The following AGR3 variants were observed in gnomAD, a reference collection of about 807,000 sequenced individuals.
AGR3 encodes anterior gradient protein 3.
AGR3 carries 37 observed loss-of-function variants against 24.5 expected under a neutral mutation model. That is an observed-to-expected ratio of 1.51 (90% CI 1.16 to 1.99). The LOEUF (loss-of-function observed/expected upper bound fraction) is 1.99. Among genes scored for constraint, AGR3 ranks in the 30% most tolerant of loss-of-function variants. The probability of loss-of-function intolerance (pLI) is 0.00; values close to 1 mark genes in which losing one functional copy is unlikely to be tolerated. For synonymous variants in AGR3, 75 were observed against 61.6 expected, an observed-to-expected ratio of 1.22 and a Z score of -1.02; for missense variants, 228 against 191.1, an observed-to-expected ratio of 1.19 and a Z score of -1.14.
chr7:16,865,014 A>C, intron 3 of AGR3: 1 of 864,738 alleles, frequency 1.2e-6, no homozygotes, highest in Non-Finnish European at 2.0e-6. Flanking sequence ...CAGGTTCAAC[A>C]AGTATGTATC....
In AGR3 at chr7:16,861,309, G is replaced by A. The variant is rs999766444; in HGVS notation, c.367+75C>T. On this transcript the variant is annotated intron_variant, in intron 6 of 7. Coordinates refer to ENST00000310398, the MANE Select transcript of AGR3 (RefSeq NM_176813.5). ...TTTAAAAAGAATAGTACTTGAACTA[G>A]CATTTAAAAATAAAAGCAAGAATGC... 4 of 1,142,954 alleles carry A rather than the reference G, an allele frequency of 3.5e-6. No homozygotes were observed. In the African/African-American group the frequency reaches 4.8e-5, roughly 14 times the overall value. 70.8% of individuals were successfully genotyped at this position (1,142,954 alleles called of 1,614,324 possible). A position where few individuals can be genotyped will look rare whatever the true frequency, so the allele number is the denominator to read the frequency against.
chr7:16,879,868 T>C (rs1003075489), intron 1 of AGR3, among the ~76,000 whole-genome samples: 3 of 152,184 alleles, frequency 2.0e-5, no homozygotes, highest in Non-Finnish European at 4.4e-5. Flanking sequence ...GAACAACAAT[T>C]TGGTGGTAAA....
At chr7:16,880,029 T>G (rs4998166) in intron 1 of AGR3, among the ~76,000 whole-genome samples, 1 of 149,622 alleles carries the variant, frequency 6.7e-6, no homozygotes, top group Non-Finnish European at 1.5e-5. Flanking sequence ...CCCTCCCTAA[T>G]CCCCAGTTGT....
downstream of AGR3, among the ~76,000 whole-genome samples, chr7:16,859,137 C>T (rs1424137902): frequency 2.1e-4 from 32 of 151,826 alleles, 2 homozygotes; most frequent in Admixed American, 2.0e-3. Flanking sequence ...GTGGCTCAGG[C>T]CTATAATCTC....
intron 3 of AGR3, chr7:16,865,607 C>G: frequency 1.4e-6 from 1 of 735,110 alleles, no homozygotes. Flanking sequence ...TATGAGAATC[C>G]CTATAAACTG....
At chr7:16,865,840 A>C in intron 3 of AGR3, 1 of 742,136 alleles carries the variant, frequency 1.3e-6, no homozygotes, top group Non-Finnish European at 2.5e-6. Flanking sequence ...CTTGTACTTG[A>C]ATACCATTCT....
intron 3 of AGR3, 96 bp from the exon 4 acceptor site, chr7:16,862,758 CT>C: frequency 2.6e-6 from 2 of 766,638 alleles, no homozygotes; most frequent in Non-Finnish European, 4.2e-6. Context: ...TTCAATAAGG[CT>C]TACAGTAGTA....
chr7:16,864,394 T>G (rs1781708816), intron 3 of AGR3: 3 of 1,300,634 alleles, frequency 2.3e-6, no homozygotes, highest in Non-Finnish European at 3.4e-6. Flanking sequence ...AGACCAGGTT[T>G]CCAGCTCTGT....
At chr7:16,860,152 A>T (rs6978436) in intron 7 of AGR3, among the ~76,000 whole-genome samples, 2,882 of 152,258 alleles carry the variant, frequency 0.019, 92 homozygotes, top group African/African-American at 0.066. Context: ...GCTTATAGGC[A>T]TTAAAGAAAG....
intron 6 of AGR3, 113 bp from the exon 7 acceptor site, chr7:16,860,696 A>G (rs1177754817): frequency 2.8e-6 from 2 of 709,840 alleles, no homozygotes; most frequent in East Asian, 5.4e-5. Flanking sequence ...CAAGTTTGTT[A>G]CACAGATATA....
intron 3 of AGR3, chr7:16,866,062 C>T: frequency 3.2e-6 from 2 of 619,688 alleles, no homozygotes; most frequent in Non-Finnish European, 6.0e-6. Flanking sequence ...GACAGATAGT[C>T]TTTTGAATTT....
downstream of AGR3, among the ~76,000 whole-genome samples, chr7:16,855,033 A>C (rs1054053818): frequency 6.6e-6 from 1 of 152,212 alleles, no homozygotes; most frequent in Non-Finnish European, 1.5e-5. Flanking sequence ...ATACATGTCT[A>C]TGGGGTACAT....
Position 16,862,036 on chromosome 7 carries a change from T to G in AGR3, c.251A>C (p.Asn84Thr). The change falls in exon 5 of 8, where the codon AAT becomes ACT. Residue 84 changes from asparagine to threonine, a missense_variant. Transcript: ENST00000310398. ...SQALKKVFAQ[N>T]EEIQEMAQNK... is the part of the protein sequence containing the mutation. The stretch of plus-strand genomic sequence containing the variant: ...CTGAGCCATTTCTTGTATTTCTTCA[T>G]TTTGGGCAAATACTTTCTTTAGTGC... 1 of 1,613,686 alleles carries G rather than the reference T, an allele frequency of 6.2e-7. No individual in the cohort carries two copies. Among genetic ancestry groups the G allele is most frequent in the South Asian group, 1.1e-5 (1 of 91,042 alleles).
intron 3 of AGR3, chr7:16,866,430 T>C (rs1012782586): frequency 1.9e-5 from 5 of 261,102 alleles, no homozygotes; most frequent in Admixed American, 1.0e-4. Context: ...TGAGAGACCA[T>C]GCTGTTGTTT....
At chr7:16,862,127 A>G in intron 4 of AGR3, 67 bp from the exon 5 acceptor site, 3 of 1,181,846 alleles carry the variant, frequency 2.5e-6, no homozygotes, top group Non-Finnish European at 3.8e-6. Flanking sequence ...AACATAGCAA[A>G]ATAAAGCTAA....
chr7:16,862,274 A>G (rs1318927689), intron 4 of AGR3, among the ~76,000 whole-genome samples: 3 of 152,192 alleles, frequency 2.0e-5, no homozygotes, highest in Non-Finnish European at 4.4e-5. Flanking sequence ...CACAGTGAAG[A>G]CACTAGTTTT....
chr7:16,880,078 C>T (rs909543504), intron 1 of AGR3, among the ~76,000 whole-genome samples: 2 of 145,114 alleles, frequency 1.4e-5, no homozygotes, highest in Non-Finnish European at 1.5e-5. Flanking sequence ...CTTCCCCTTC[C>T]TTCTTTCCCC....
At chr7:16,867,953 AATGGCTGTACT>A (rs1348589741) in intron 3 of AGR3, among the ~76,000 whole-genome samples, 1 of 152,116 alleles carries the variant, frequency 6.6e-6, no homozygotes, top group Non-Finnish European at 1.5e-5. Context: ...TGCTTTCCAT[AATGGCTGTACT>A]AATTTACATT....
At chr7:16,873,916 C>A in intron 2 of AGR3, 73 bp from the exon 3 acceptor site, 1 of 1,106,932 alleles carries the variant, frequency 9.0e-7, no homozygotes, top group Non-Finnish European at 1.4e-6. Flanking sequence ...ATCTAATAAT[C>A]AGATATCTAC....
Sources: allele counts gnomAD v4.1 joint callset (sites outside exome capture counted in the v4.1 genomes callset), GRCh38; gene constraint gnomAD v4.1.1; transcripts MANE v1.5; gene names NCBI Gene and HGNC (gene_info 2026-07-23, HGNC 2026-07-21).